ASH1L: variants seen among roughly 807,000 people sequenced by gnomAD.
ASH1L encodes histone-lysine N-methyltransferase ASH1L.
A neutral mutation model predicts 269.0 loss-of-function variants in ASH1L; 23 were observed. The ratio of observed to expected loss-of-function variants is 0.09; its 90% CI spans 0.06 to 0.12. ASH1L has a LOEUF of 0.12. Ranked by LOEUF, ASH1L falls within the 10% of genes least tolerant of loss-of-function variation. The pLI is 1.00. For missense variants in ASH1L, 2,912 were observed against 3,567.8 expected (o/e 0.82, Z 4.68); for synonymous variants, 1,187 against 1,253.5 (o/e 0.95, Z 1.12).
chr1:155,544,556 G>C (rs904285847), intron 1 of ASH1L, among the ~76,000 whole-genome samples: 1 of 151,960 alleles, frequency 6.6e-6, no homozygotes, highest in Non-Finnish European at 1.5e-5. Flanking sequence ...CAAAGTGCTG[G>C]GATTACAGGC....
chr1:155,406,192 A>T (rs1237516571), intron 6 of ASH1L, among the ~76,000 whole-genome samples: 1 of 145,922 alleles, frequency 6.9e-6, no homozygotes, highest in African/African-American at 2.5e-5. Context: ...CGACAGAGTG[A>T]GACTCTGTCT....
chr1:155,442,583 CAA>C (rs1205815203), intron 4 of ASH1L, among the ~76,000 whole-genome samples: 19 of 33,622 alleles, frequency 5.7e-4, no homozygotes, highest in Non-Finnish European at 6.8e-4. Context: ...GACTCCATCT[CAA>C]AAAAAAAAAA....
chr1:155,520,397 T>C (rs1179293511), intron 2 of ASH1L: 3 of 126,096 alleles, frequency 2.4e-5, no homozygotes, highest in Non-Finnish European at 5.1e-5. Flanking sequence ...AAGAAAGAAA[T>C]GATTTCACAT....
intron 3 of ASH1L, among the ~76,000 whole-genome samples, chr1:155,463,124 T>G (rs1664426592): frequency 6.6e-6 from 1 of 152,202 alleles, no homozygotes; most frequent in South Asian, 2.1e-4. Flanking sequence ...AAACGCCAAT[T>G]TGCAGTTGGG....
intron 6 of ASH1L, among the ~76,000 whole-genome samples, chr1:155,400,359 C>T (rs1474694241): frequency 6.6e-6 from 1 of 151,434 alleles, no homozygotes; most frequent in African/African-American, 2.4e-5. Flanking sequence ...CATATTACTT[C>T]TAAAGAGGAA....
At chr1:155,545,838 T>C (rs1178649429) in intron 1 of ASH1L, among the ~76,000 whole-genome samples, 1 of 151,820 alleles carries the variant, frequency 6.6e-6, no homozygotes, top group East Asian at 1.9e-4. Flanking sequence ...CTGGCCAACG[T>C]AGTGAAACCC....
intron 1 of ASH1L, among the ~76,000 whole-genome samples, chr1:155,533,302 T>A (rs187703361): frequency 6.6e-6 from 1 of 151,982 alleles, no homozygotes; most frequent in South Asian, 2.1e-4. Context: ...ACAATCAGCA[T>A]GCGGTAGTTA....
At chr1:155,453,679 G>A (rs111615785) in intron 4 of ASH1L, among the ~76,000 whole-genome samples, 200 of 152,208 alleles carry the variant, frequency 1.3e-3, no homozygotes, top group Middle Eastern at 3.4e-3. Flanking sequence ...CACATCTGCA[G>A]TCCCAGCTAC....
At chr1:155,406,955 T>C (rs1659342977) in intron 6 of ASH1L, among the ~76,000 whole-genome samples, 1 of 152,128 alleles carries the variant, frequency 6.6e-6, no homozygotes, top group Non-Finnish European at 1.5e-5. Context: ...AAGAAAAAGA[T>C]AATTAAATGG....
intron 1 of ASH1L, among the ~76,000 whole-genome samples, chr1:155,551,090 G>A (rs1463776460): frequency 6.6e-6 from 1 of 152,072 alleles, no homozygotes; most frequent in Non-Finnish European, 1.5e-5. Context: ...CAAAGTCCTG[G>A]GATTACAGGG....
chr1:155,562,578 C>T lies in ASH1L; in HGVS notation c.-525G>A, dbSNP rs1187081087. 25 of 1,529,444 alleles carry T rather than the reference C, an allele frequency of 1.6e-5. No individual in the cohort carries two copies. The highest frequency in any genetic ancestry group is 2.1e-5 in the Non-Finnish European group (24 of 1,141,582). 94.7% of individuals were successfully genotyped at this position (1,529,444 alleles called of 1,614,324 possible). The stretch of plus-strand genomic sequence containing the variant: ...CACCGTCCCCCGCTCCGCCCGACTC[C>T]GTCCGCGTAGCGCGCACGCCCGCCC... On this transcript the variant is annotated 5_prime_UTR_variant, in exon 1 of 28. Transcript: ENST00000392403.
At chr1:155,530,273 C>T (rs550765417) in intron 1 of ASH1L, among the ~76,000 whole-genome samples, 34 of 152,242 alleles carry the variant, frequency 2.2e-4, no homozygotes, top group African/African-American at 7.7e-4. Flanking sequence ...TACATCTTTC[C>T]ATTGAAATTT....
rs368800129 is a variant in ASH1L at position 155,411,586 on chromosome 1, A to AATATATATATATATATATAT, written c.6008+4138_6008+4157dup. Among the ~76,000 whole-genome samples, 134 of 55,028 alleles carry AATATATATATATATATATAT rather than the reference A, an allele frequency of 2.4e-3. 1 individual carries two copies. The highest frequency in any genetic ancestry group is 4.2e-3 in the South Asian group (5 of 1,186). 36.1% of individuals were successfully genotyped at this position (55,028 alleles called of 152,430 possible). On this transcript the variant is annotated intron_variant, in intron 6 of 27. Coordinates refer to ENST00000392403, the MANE Select transcript of ASH1L (RefSeq NM_018489.3). ...AAATATGAATATAAATAAATAAATA[A>AATATATATATATATATATAT]ATATATATATATATATATATATATA... is the stretch of plus-strand genomic sequence containing the variant.
At chr1:155,342,777 T>C (rs920272315) in intron 24 of ASH1L, among the ~76,000 whole-genome samples, 1 of 152,128 alleles carries the variant, frequency 6.6e-6, no homozygotes, top group Admixed American at 6.5e-5. Context: ...ATAGATAAAA[T>C]GTGGTAGAGC....
At chr1:155,384,637 A>C (rs1018521666) in intron 7 of ASH1L, among the ~76,000 whole-genome samples, 2 of 152,192 alleles carry the variant, frequency 1.3e-5, no homozygotes, top group African/African-American at 2.4e-5. Context: ...TTCTGAGCTC[A>C]AGCAATCAGC....
At chr1:155,554,339 C>T (rs146240308) in intron 1 of ASH1L, among the ~76,000 whole-genome samples, 3,109 of 152,010 alleles carry the variant, frequency 0.02, 104 homozygotes, top group African/African-American at 0.072. Flanking sequence ...ATGGCACAAT[C>T]TCGGCTCACT....
intron 5 of ASH1L, among the ~76,000 whole-genome samples, chr1:155,418,511 C>T (rs1467148829): frequency 6.6e-6 from 1 of 151,602 alleles, no homozygotes; most frequent in Non-Finnish European, 1.5e-5. Flanking sequence ...TCTTAGAATC[C>T]CGGGAAAGGA....
chr1:155,381,666 G>C (rs1441994585), intron 7 of ASH1L, among the ~76,000 whole-genome samples: 4 of 152,098 alleles, frequency 2.6e-5, no homozygotes, highest in African/African-American at 7.2e-5. Flanking sequence ...CTTGAGGTCA[G>C]GAGTTCAAGA....
chr1:155,415,730 G>GTAC lies in ASH1L; in HGVS notation c.6008+11_6008+13dup. 6.2e-7 allele frequency: 1 copy of GTAC among 1,610,692 alleles called. No homozygotes were observed. ...AAGAAAAAGGGATGTTAGCTAATAGGTACTACTACTTACTCTGTAGTTTTG... is the reference window on the plus strand; with the variant it reads ...AAGAAAAAGGGATGTTAGCTAATAGGTACTACTACTACTTACTCTGTAGTTTTG... On this transcript the variant is annotated intron_variant, in intron 6 of 27. Coordinates refer to ENST00000392403, the MANE Select transcript of ASH1L (RefSeq NM_018489.3).
Sources: allele counts gnomAD v4.1 joint callset (sites outside exome capture counted in the v4.1 genomes callset), GRCh38; gene constraint gnomAD v4.1.1; transcripts MANE v1.5; gene names NCBI Gene and HGNC (gene_info 2026-07-23, HGNC 2026-07-21).